Variants in HMGN5 observed in about 807,000 individuals in gnomAD.
The protein encoded by HMGN5 is high mobility group nucleosome-binding domain-containing protein 5.
In HMGN5, 4 loss-of-function variants were observed where a neutral mutation model predicts 9.5. The observed-to-expected ratio is 0.42, with a 90% confidence interval of 0.21 to 0.96. The LOEUF is 0.96. HMGN5 is among the 40% of genes least tolerant of loss of function. The pLI, the probability that HMGN5 is intolerant of heterozygous loss-of-function variation, is 0.30. For missense variants in HMGN5, 192 were observed against 187.5 expected (o/e 1.02, Z -0.14); for synonymous variants, 55 against 57.1 (o/e 0.96, Z 0.16).
In HMGN5 at chrX:81,114,494, C is replaced by T. The variant is rs184579787; in HGVS notation, c.*155G>A. The T allele has an allele frequency of 6.5e-5, 31 of 480,124 alleles. No homozygotes were observed. The East Asian group carries it at 9.3e-4, about 14-fold the overall frequency. 39.6% of individuals were successfully genotyped at this position (480,124 alleles called of 1,213,427 possible). A position where few individuals can be genotyped will look rare whatever the true frequency, so the allele number is the denominator to read the frequency against. Reference sequence around the variant, plus strand: ...ATAGATAAATGTTTCATGTTAGAAACTTTATGGCTAATAATCAATATGAAG... The same window carrying T: ...ATAGATAAATGTTTCATGTTAGAAATTTTATGGCTAATAATCAATATGAAG... On this transcript the variant is annotated 3_prime_UTR_variant, in exon 7 of 7. Coordinates refer to ENST00000358130, the MANE Select transcript of HMGN5 (RefSeq NM_030763.3).
chrX:81,198,464 T>C (rs2075515470), intron 1 of HMGN5, among the ~76,000 whole-genome samples: 1 of 110,895 alleles, frequency 9.0e-6, no homozygotes, highest in Admixed American at 9.6e-5. Flanking sequence ...TGAACATCGA[T>C]GTGAAAATCC....
intron 1 of HMGN5, among the ~76,000 whole-genome samples, chrX:81,175,915 G>C (rs1203537472): frequency 3.6e-5 from 4 of 111,963 alleles, no homozygotes; most frequent in Admixed American, 9.5e-5. Flanking sequence ...GCTCTGAAGA[G>C]AGCAGTGGTT....
At chrX:81,174,343 T>G (rs1257101101) in intron 1 of HMGN5, among the ~76,000 whole-genome samples, 1 of 111,435 alleles carries the variant, frequency 9.0e-6, no homozygotes, top group African/African-American at 3.2e-5. Context: ...AGAATAACAC[T>G]AGTAAATAGG....
intron 1 of HMGN5, chrX:81,197,856 T>G (rs1194506194): frequency 3.6e-5 from 4 of 110,678 alleles, no homozygotes; most frequent in Non-Finnish European, 7.6e-5. Context: ...TCCTGTTGCA[T>G]AGGCCGAAAA....
chrX:81,183,132 T>TA (rs2075467503), intron 1 of HMGN5, among the ~76,000 whole-genome samples: 3 of 111,771 alleles, frequency 2.7e-5, no homozygotes, highest in Admixed American at 1.9e-4. Flanking sequence ...AACTGGAACT[T>TA]ATATTTAAAA....
At chrX:81,151,734 A>G (rs954227319) in intron 1 of HMGN5, among the ~76,000 whole-genome samples, 3 of 110,387 alleles carry the variant, frequency 2.7e-5, no homozygotes, top group African/African-American at 9.9e-5. Flanking sequence ...TTCACTCATG[A>G]TTTGGCTCTC....
intron 1 of HMGN5, among the ~76,000 whole-genome samples, chrX:81,198,282 T>C (rs2075514993): frequency 9.0e-6 from 1 of 111,334 alleles, no homozygotes. Flanking sequence ...AAGAAAGTGG[T>C]GTTTTAGGAT....
At chrX:81,161,549 C>A (rs2075397732) in intron 1 of HMGN5, among the ~76,000 whole-genome samples, 1 of 110,785 alleles carries the variant, frequency 9.0e-6, no homozygotes, top group Non-Finnish European at 1.9e-5. Context: ...TAATTTGGTA[C>A]CTGTAAGTAG....
Position 81,114,954 on chromosome X carries a change from C to T in HMGN5, c.544G>A (p.Gly182Arg), listed in dbSNP as rs1039831497. The T allele has an allele frequency of 2.3e-5, 27 of 1,152,771 alleles. No homozygotes were observed. The highest frequency in any genetic ancestry group is 3.3e-4 in the Middle Eastern group (1 of 3,039). ...EKEDGKKGED[G>R]KGNGEDGKEK... ...TTTCCATCTTCTCCATTTCCTTTTCCGTCTTCACCTTTTTTTCCATCTTCT... is the reference window on the plus strand; with the variant it reads ...TTTCCATCTTCTCCATTTCCTTTTCTGTCTTCACCTTTTTTTCCATCTTCT... The change falls in exon 7 of 7, where the codon GGA becomes AGA. Residue 182 changes from glycine (G) to arginine (R), a missense_variant. Physicochemically the swap from Gly to Arg is moderately radical, Grantham distance 125. Transcript: ENST00000358130.
intron 1 of HMGN5, among the ~76,000 whole-genome samples, chrX:81,157,725 A>C (rs995374703): frequency 9.0e-6 from 1 of 111,467 alleles, no homozygotes; most frequent in Admixed American, 9.6e-5. Flanking sequence ...CCTCAGAATT[A>C]TGAGGCCTGA....
intron 1 of HMGN5, among the ~76,000 whole-genome samples, chrX:81,168,933 TAG>T (rs1371738378): frequency 9.0e-6 from 1 of 110,803 alleles, no homozygotes; most frequent in African/African-American, 3.3e-5. Flanking sequence ...GACACTAAGC[TAG>T]AGAGAGAGTT....
At chrX:81,146,681 A>G (rs1333113302) in intron 1 of HMGN5, among the ~76,000 whole-genome samples, 2 of 111,839 alleles carry the variant, frequency 1.8e-5, no homozygotes, top group Non-Finnish European at 3.8e-5. Context: ...GACATAAAAA[A>G]CCCTTCAAAA....
At chrX:81,197,479 T>A (rs996501847) in intron 1 of HMGN5, among the ~76,000 whole-genome samples, 6 of 111,752 alleles carry the variant, frequency 5.4e-5, no homozygotes, top group African/African-American at 2.0e-4. Flanking sequence ...GGATAGGTGA[T>A]CTGGAACTCT....
At position 81,119,801 on chromosome X, in the gene HMGN5, T is replaced by A; in HGVS notation, c.32A>T (p.Asp11Val). The A allele has an allele frequency of 8.3e-7, 1 of 1,206,277 alleles. No individual in the cohort carries two copies. Among genetic ancestry groups the A allele is most frequent in the East Asian group, 3.0e-5 (1 of 33,789 alleles). Reference sequence around the variant, plus strand: ...AAAGAAACTCACCTCCTGCCTCATATCACCTTGACCTGCAGCCTACACAGA... The same window carrying A: ...AAAGAAACTCACCTCCTGCCTCATAACACCTTGACCTGCAGCCTACACAGA... MPKRKAAGQG[D>V]MRQEPKRRSA... The change falls in exon 3 of 7, where the codon GAT becomes GTT. Residue 11 changes from aspartate (D) to valine (V), a missense_variant. Asp to Val is a radical substitution (Grantham distance 152). Transcript: ENST00000358130.
chrX:81,183,469 G>C (rs1171362853), intron 1 of HMGN5, among the ~76,000 whole-genome samples: 1 of 112,534 alleles, frequency 8.9e-6, no homozygotes, highest in Non-Finnish European at 1.9e-5. Flanking sequence ...GGCTTAAAAG[G>C]GGCCCAGATG....
chrX:81,158,377 A>T (rs886544044), intron 1 of HMGN5, among the ~76,000 whole-genome samples: 34 of 111,782 alleles, frequency 3.0e-4, no homozygotes, highest in Non-Finnish European at 2.1e-4. Flanking sequence ...CTGGCGTGAG[A>T]TGGTATCTCA....
Position 81,189,950 on chromosome X carries a change from T to C in HMGN5, c.-124+11787A>G, listed in dbSNP as rs186666726. Among the ~76,000 whole-genome samples, 370 of 112,467 alleles carry C rather than the reference T, an allele frequency of 3.3e-3. 2 individuals are homozygous for C. Among genetic ancestry groups the C allele is most frequent in the African/African-American group, 0.011 (355 of 31,017 alleles). ...ATAGTTGTGTAGTGGTATCTCATTGTTGTTTTCATTTACATTTCCATCATG... is the reference window on the plus strand; with the variant it reads ...ATAGTTGTGTAGTGGTATCTCATTGCTGTTTTCATTTACATTTCCATCATG... On this transcript the variant is annotated intron_variant, in intron 1 of 6. Coordinates refer to ENST00000358130, the MANE Select transcript of HMGN5 (RefSeq NM_030763.3).
chrX:81,179,734 C>T (rs1238092471), intron 1 of HMGN5, among the ~76,000 whole-genome samples: 8 of 111,612 alleles, frequency 7.2e-5, no homozygotes, highest in Admixed American at 1.9e-4. Context: ...AAAAAGAGCA[C>T]GCATTGCCCA....
At chrX:81,169,986 G>A (rs767677134) in intron 1 of HMGN5, among the ~76,000 whole-genome samples, 1 of 104,965 alleles carries the variant, frequency 9.5e-6, no homozygotes, top group East Asian at 3.0e-4. Context: ...CCCAGGAGGC[G>A]GAGGTTGCAC....
Sources: gnomAD v4.1 joint callset for allele counts (sites outside exome capture counted in the v4.1 genomes callset) on GRCh38, gnomAD v4.1.1 for gene constraint, MANE v1.5 for transcripts, NCBI Gene and HGNC (gene_info 2026-07-23, HGNC 2026-07-21) for gene names.